COPB1: variants seen among roughly 807,000 people sequenced by gnomAD.
The protein encoded by COPB1 is coatomer subunit beta.
A neutral mutation model predicts 108.7 loss-of-function variants in COPB1; 21 were observed. The observed-to-expected ratio is 0.19, with a 90% CI of 0.14 to 0.28. COPB1 has a LOEUF of 0.28. Among genes scored for constraint, COPB1 ranks in the 10% least tolerant of loss-of-function variants. COPB1 has a pLI of 1.00. For missense variants in COPB1, 919 were observed against 1,141.3 expected, an observed-to-expected ratio of 0.81 and a Z score of 2.81; for synonymous variants, 378 against 386.8, an observed-to-expected ratio of 0.98 and a Z score of 0.27.
intron 5 of COPB1, among the ~76,000 whole-genome samples, chr11:14,489,550 G>A (rs1171055269): frequency 6.6e-6 from 1 of 152,106 alleles, no homozygotes; most frequent in African/African-American, 2.4e-5. Flanking sequence ...GCCTTAAAAA[G>A]GAAAGAAATT....
At chr11:14,469,098 G>A (rs1016015382) in intron 15 of COPB1, among the ~76,000 whole-genome samples, 2 of 151,938 alleles carry the variant, frequency 1.3e-5, no homozygotes, top group African/African-American at 4.8e-5. Context: ...AGATTCAAAC[G>A]ATCCTTCATC....
In COPB1 at chr11:14,476,286, G is replaced by A. The variant is rs545782512; in HGVS notation, c.1456-341C>T. ...ACACAAAGCAGATGGTCATTAAGTCGTATTCCTCTTCTTCATTCCTTTCCT... is the reference window on the plus strand; with the variant it reads ...ACACAAAGCAGATGGTCATTAAGTCATATTCCTCTTCTTCATTCCTTTCCT... On this transcript the variant is annotated intron_variant, in intron 12 of 21. Coordinates refer to ENST00000439561, the MANE Select transcript of COPB1 (RefSeq NM_001144061.2). Among the ~76,000 whole-genome samples the A allele has an allele frequency of 1.8e-3, 274 of 152,266 alleles. 2 individuals carry two copies. Among genetic ancestry groups the A allele is most frequent in the Non-Finnish European group, 3.5e-3 (235 of 68,018 alleles).
At chr11:14,486,723 T>C (rs1380582769) in intron 6 of COPB1, among the ~76,000 whole-genome samples, 1 of 152,030 alleles carries the variant, frequency 6.6e-6, no homozygotes, top group Non-Finnish European at 1.5e-5. Context: ...AACAAAAACA[T>C]AGATAAGAAA....
rs190560681 is a variant in COPB1, at chr11:14,495,090, A to T, written c.92-651T>A. ...TTTAGAATTAAGGATGACACATTAA[A>T]GATAAAATGCTAGTTTACTGTTATT... On this transcript the variant is annotated intron_variant, in intron 2 of 21. Transcript: ENST00000439561. 1.2e-3 allele frequency among the ~76,000 whole-genome samples: 189 copies of T among 152,364 alleles called. 1 individual carries two copies. Among genetic ancestry groups the T allele is most frequent in the African/African-American group, 4.4e-3 (181 of 41,586 alleles).
At chr11:14,487,769 GTGT>G (rs1850808845) in intron 6 of COPB1, among the ~76,000 whole-genome samples, 1 of 151,868 alleles carries the variant, frequency 6.6e-6, no homozygotes, top group Non-Finnish European at 1.5e-5. Context: ...CTGGTACCTT[GTGT>G]TAAGAGGAGC....
Position 14,479,697 on chromosome 11 carries a change from A to G in COPB1, c.1230T>C (p.Ser410=). ...CAGCAGCTGCTGCTTCGTTGTTGTC[A>G]CTGAGAAATTCCATTAACTAAAAGA... ...NVIPVLMEFL[S]DNNEAAAADV... is the part of the protein sequence containing the mutation. The change falls in exon 11 of 22, where the codon AGT becomes AGC. Residue 410 remains serine (S), a synonymous_variant. Coordinates refer to ENST00000439561, the MANE Select transcript of COPB1 (RefSeq NM_001144061.2). 6.3e-7 allele frequency: 1 copy of G among 1,583,214 alleles called. No individual in the cohort carries two copies. Among genetic ancestry groups the G allele is most frequent in the African/African-American group, 1.4e-5 (1 of 73,198 alleles).
At chr11:14,497,322 G>A (rs1178297058) in intron 2 of COPB1, among the ~76,000 whole-genome samples, 1 of 146,682 alleles carries the variant, frequency 6.8e-6, no homozygotes, top group Non-Finnish European at 1.5e-5. Context: ...AGATATGTAA[G>A]GAGCTCAAAC....
Position 14,461,171 on chromosome 11 carries a change from C to T in COPB1, c.2556+15G>A, listed in dbSNP as rs1407141515. On this transcript the variant is annotated intron_variant, in intron 19 of 21. Coordinates refer to ENST00000439561, the MANE Select transcript of COPB1 (RefSeq NM_001144061.2). ...GAAAGATAAAGGAATATGAGAAAAT[C>T]TCCCAAGGACTAACTTTGTTTTCCC... 1 of 1,613,902 alleles carries T rather than the reference C, an allele frequency of 6.2e-7. No homozygotes were observed. The highest frequency in any genetic ancestry group is 1.1e-5 in the South Asian group (1 of 90,976).
At chr11:14,462,846 G>C (rs373351444) in intron 18 of COPB1, among the ~76,000 whole-genome samples, 1 of 152,068 alleles carries the variant, frequency 6.6e-6, no homozygotes, top group African/African-American at 2.4e-5. Flanking sequence ...ATATACTCGA[G>C]GTTCTCTTAT....
chr11:14,466,448 C>A, intron 16 of COPB1, 22 bp from the exon 17 acceptor site: 1 of 1,599,906 alleles, frequency 6.3e-7, no homozygotes, highest in Non-Finnish European at 8.5e-7. Flanking sequence ...AAAACAAAGA[C>A]ATAATCAAAT....
chr11:14,463,468 G>A (rs142524959), intron 18 of COPB1, among the ~76,000 whole-genome samples: 175 of 152,210 alleles, frequency 1.1e-3, no homozygotes, highest in African/African-American at 3.8e-3. Context: ...ACAGGCGTGC[G>A]CCATTACGCC....
intron 18 of COPB1, 140 bp downstream of exon 18, chr11:14,464,771 C>T (rs892624517): frequency 4.5e-5 from 40 of 896,720 alleles, no homozygotes; most frequent in African/African-American, 3.4e-4. Flanking sequence ...TAGTTCAATG[C>T]GTGGTACCAT....
intron 18 of COPB1, 146 bp from the exon 19 acceptor site, chr11:14,461,477 T>G (rs1306602031): frequency 1.6e-5 from 12 of 754,264 alleles, no homozygotes. Context: ...CTATTCTACA[T>G]GCTTTATAAA....
chr11:14,471,369 A>AT (rs1454903761), intron 14 of COPB1, among the ~76,000 whole-genome samples: 2 of 152,198 alleles, frequency 1.3e-5, no homozygotes, highest in Non-Finnish European at 2.9e-5. Context: ...AGGTATCAGT[A>AT]AACACTCCCA....
At chr11:14,482,407 T>C (rs1468863347) in intron 8 of COPB1, among the ~76,000 whole-genome samples, 1 of 152,230 alleles carries the variant, frequency 6.6e-6, no homozygotes, top group Admixed American at 6.5e-5. Context: ...TTATTCTCAA[T>C]TGGTATAATA....
chr11:14,483,255 CA>C, intron 7 of COPB1, 104 bp from the exon 8 acceptor site: 5 of 652,372 alleles, frequency 7.7e-6, no homozygotes, highest in Admixed American at 2.9e-5. Flanking sequence ...CACACACACA[CA>C]CACTCCCATG....
At chr11:14,473,594 A>C (rs1349130233) in intron 14 of COPB1, among the ~76,000 whole-genome samples, 1 of 68,962 alleles carries the variant, frequency 1.5e-5, no homozygotes, top group African/African-American at 5.8e-5. Flanking sequence ...CACACACAAC[A>C]ATTATTGATT....
At chr11:14,465,387 C>T (rs1850263063) in intron 17 of COPB1, among the ~76,000 whole-genome samples, 1 of 152,104 alleles carries the variant, frequency 6.6e-6, no homozygotes, top group African/African-American at 2.4e-5. Context: ...GGCTGGAGTG[C>T]AACTGCATGA....
chr11:14,470,944 A>ACACACTCTCTCTCTCT (rs1285522756), intron 14 of COPB1, among the ~76,000 whole-genome samples: 1 of 90,156 alleles, frequency 1.1e-5, no homozygotes, highest in African/African-American at 5.2e-5. Context: ...ACACACACAC[A>ACACACTCTCTCTCTCT]CTCTCTCTCT....
Sources: gnomAD v4.1 joint callset for allele counts (sites outside exome capture counted in the v4.1 genomes callset) on GRCh38, gnomAD v4.1.1 for gene constraint, MANE v1.5 for transcripts, NCBI Gene and HGNC (gene_info 2026-07-23, HGNC 2026-07-21) for gene names.